The following SLC24A4 variants were observed in gnomAD, a reference collection of about 807,000 sequenced individuals.
SLC24A4 encodes sodium/potassium/calcium exchanger 4.
In SLC24A4, 53 loss-of-function variants were observed where a neutral mutation model predicts 79.0. That is an observed-to-expected ratio of 0.67 (90% CI 0.54 to 0.84). SLC24A4 has a LOEUF of 0.84. SLC24A4 is among the 40% of genes least tolerant of loss of function. The probability of loss-of-function intolerance (pLI) is 0.00; values close to 1 mark genes in which losing one functional copy is unlikely to be tolerated. For missense variants in SLC24A4, 731 were observed against 822.0 expected, an observed-to-expected ratio of 0.89 and a Z score of 1.35; for synonymous variants, 323 against 323.8, an observed-to-expected ratio of 1.00 and a Z score of 0.03.
At position 92,482,719 on chromosome 14, in the gene SLC24A4, C is replaced by T; in HGVS notation, c.1295C>T (p.Pro432Leu). The T allele has an allele frequency of 6.2e-7, 1 of 1,614,032 alleles. No individual in the cohort carries two copies. The highest frequency in any genetic ancestry group is 8.5e-7 in the Non-Finnish European group (1 of 1,179,958). ...GDKVKWVFTWPLIFLLCVTIP... is the reference protein window; with the variant it reads ...GDKVKWVFTWLLIFLLCVTIP... ...AAGGTCAAGTGGGTGTTCACCTGGC[C>T]CCTCATCTTCCTCCTGTGCGTCACC... Residue 432 changes from proline (P) to leucine (L), a missense_variant, in exon 13 of 17, where the codon CCC becomes CTC. By Grantham distance (98) the Pro-to-Leu change is moderately conservative (BLOSUM62 -3). Transcript: ENST00000532405.
At chr14:92,345,813 A>AG (rs1402824697) in intron 2 of SLC24A4, among the ~76,000 whole-genome samples, 2 of 152,234 alleles carry the variant, frequency 1.3e-5, no homozygotes, top group African/African-American at 4.8e-5. Context: ...CCTGTATGCC[A>AG]GGCACTGGGA....
intron 2 of SLC24A4, among the ~76,000 whole-genome samples, chr14:92,335,550 A>G (rs1021220981): frequency 1.3e-5 from 2 of 149,582 alleles, no homozygotes; most frequent in Non-Finnish European, 3.0e-5. Flanking sequence ...TTAAGTAGAG[A>G]TGGGGTTTCA....
At chr14:92,390,339 C>A (rs980451902) in intron 2 of SLC24A4, among the ~76,000 whole-genome samples, 4 of 152,058 alleles carry the variant, frequency 2.6e-5, no homozygotes, top group Admixed American at 6.6e-5. Flanking sequence ...TACTCCCCAA[C>A]AGGACCCGAA....
chr14:92,447,256 TA>T lies in SLC24A4; in HGVS notation c.684-114del. Reference sequence around the variant, plus strand: ...CATGCCTGGGTTCTGGGCCCGGCACTAGGGGCGGGGGAGGTAAAGACATCCC... The same window carrying T: ...CATGCCTGGGTTCTGGGCCCGGCACTGGGGCGGGGGAGGTAAAGACATCCC... On this transcript the variant is annotated intron_variant, in intron 8 of 16. Transcript: ENST00000532405. 1.0e-5 allele frequency: 9 copies of T among 882,242 alleles called. No individual in the cohort carries two copies. The South Asian group carries it at 1.3e-4, about 13-fold the overall frequency. The allele number at this position is 882,242 out of a possible 1,614,324, so 54.7% of individuals were successfully genotyped here.
At chr14:92,374,319 A>G (rs1888377115) in intron 2 of SLC24A4, among the ~76,000 whole-genome samples, 1 of 152,258 alleles carries the variant, frequency 6.6e-6, no homozygotes, top group Admixed American at 6.5e-5. Flanking sequence ...GGCTCAGACC[A>G]AGAAGCGACT....
chr14:92,383,890 C>T (rs117988300), intron 2 of SLC24A4, among the ~76,000 whole-genome samples: 3,672 of 152,326 alleles, frequency 0.024, 102 homozygotes, highest in Admixed American at 0.085. Context: ...AGATCTTCAG[C>T]GGGTCCCAAG....
Position 92,493,522 on chromosome 14 carries a change from G to A in SLC24A4, c.1763G>A (p.Gly588Asp), listed in dbSNP as rs1895813781. The A allele has an allele frequency of 3.1e-6, 5 of 1,614,224 alleles. No homozygotes were observed. The highest frequency in any genetic ancestry group is 1.3e-5 in the African/African-American group (1 of 75,060). The part of the protein sequence containing the change: ...LNKWRLDRKL[G>D]VYVLVLYAIF... ...AAGTGGCGACTGGACCGGAAGCTGGGTGTCTACGTGCTGGTTCTCTACGCC... is the reference window on the plus strand; with the variant it reads ...AAGTGGCGACTGGACCGGAAGCTGGATGTCTACGTGCTGGTTCTCTACGCC... The change falls in exon 17 of 17, where the codon GGT (glycine) becomes GAT (aspartate). Residue 588 changes from glycine (G) to aspartate (D), a missense_variant. Physicochemically the swap from Gly to Asp is moderately conservative, Grantham distance 94. Transcript: ENST00000532405.
intron 2 of SLC24A4, among the ~76,000 whole-genome samples, chr14:92,381,884 G>A (rs1426128407): frequency 1.3e-5 from 2 of 152,196 alleles, no homozygotes; most frequent in African/African-American, 4.8e-5. Flanking sequence ...CCATGTGATT[G>A]TAAGGCGGAG....
At chr14:92,405,613 A>G (rs920578644) in intron 2 of SLC24A4, among the ~76,000 whole-genome samples, 2 of 152,144 alleles carry the variant, frequency 1.3e-5, no homozygotes, top group African/African-American at 4.8e-5. Context: ...GAAACTTACA[A>G]TCATGGCAGA....
chr14:92,418,139 T>C (rs994880273), intron 2 of SLC24A4, among the ~76,000 whole-genome samples: 1 of 152,200 alleles, frequency 6.6e-6, no homozygotes, highest in Non-Finnish European at 1.5e-5. Flanking sequence ...GCCTTGAGGC[T>C]ACTCAGGGAA....
At chr14:92,363,654 A>C (rs1243124713) in intron 2 of SLC24A4, among the ~76,000 whole-genome samples, 1 of 152,104 alleles carries the variant, frequency 6.6e-6, no homozygotes, top group Admixed American at 6.6e-5. Flanking sequence ...ACATGGTGAA[A>C]CCTTGTCTCT....
At chr14:92,390,359 T>A (rs913321890) in intron 2 of SLC24A4, among the ~76,000 whole-genome samples, 1 of 152,056 alleles carries the variant, frequency 6.6e-6, no homozygotes, top group African/African-American at 2.4e-5. Context: ...ATTCCCTGCC[T>A]CCCACTTGGT....
At chr14:92,324,890 T>G (rs530135777) in intron 1 of SLC24A4, among the ~76,000 whole-genome samples, 5 of 152,256 alleles carry the variant, frequency 3.3e-5, no homozygotes, top group African/African-American at 1.2e-4. Context: ...TTTAGAGAGG[T>G]GTACACTGAT....
chr14:92,483,841 A>C, intron 13 of SLC24A4: 1 of 1,289,662 alleles, frequency 7.8e-7, no homozygotes, highest in South Asian at 1.2e-5. Flanking sequence ...TTCTCCTCCT[A>C]ATGCCTGACA....
At chr14:92,437,939 G>C (rs547445673) in intron 3 of SLC24A4, among the ~76,000 whole-genome samples, 1 of 152,304 alleles carries the variant, frequency 6.6e-6, no homozygotes, top group Admixed American at 6.5e-5. Flanking sequence ...AAAAAAAAGT[G>C]TTTTTCCTGC....
chr14:92,444,642 G>T lies in SLC24A4; in HGVS notation c.658-675G>T, dbSNP rs141760270. Among the ~76,000 whole-genome samples, 437 of 152,244 alleles carry T rather than the reference G, an allele frequency of 2.9e-3. 3 individuals carry two copies. Among genetic ancestry groups the T allele is most frequent in the African/African-American group, 9.9e-3 (410 of 41,546 alleles). ...GGCCGAGGCGGGCTGATCACTTGAG[G>T]TCAAGAGTTTGAGACCAGCCTGGCC... On this transcript the variant is annotated intron_variant, in intron 7 of 16. Transcript: ENST00000532405.
At chr14:92,437,523 T>A (rs2139799595) in intron 3 of SLC24A4, among the ~76,000 whole-genome samples, 1 of 152,342 alleles carries the variant, frequency 6.6e-6, no homozygotes, top group Non-Finnish European at 1.5e-5. Context: ...TACTTCGTCA[T>A]GAGACAGATG....
chr14:92,427,894 A>T (rs75002685), intron 2 of SLC24A4, among the ~76,000 whole-genome samples: 1 of 152,074 alleles, frequency 6.6e-6, no homozygotes, highest in African/African-American at 2.4e-5. Context: ...GGTTGGGCTT[A>T]GCGCCCTTAT....
chr14:92,383,444 C>T (rs1318447926), intron 2 of SLC24A4, among the ~76,000 whole-genome samples: 1 of 152,180 alleles, frequency 6.6e-6, no homozygotes, highest in South Asian at 2.1e-4. Context: ...CTGGAGTGCC[C>T]TTCCTCTCTC....
Sources: allele counts gnomAD v4.1 joint callset (sites outside exome capture counted in the v4.1 genomes callset), GRCh38; gene constraint gnomAD v4.1.1; transcripts MANE v1.5; gene names NCBI Gene and HGNC (gene_info 2026-07-23, HGNC 2026-07-21).